Variants in PTPRG observed in about 807,000 individuals in gnomAD.
PTPRG encodes the protein receptor-type tyrosine-protein phosphatase gamma.
Under a neutral mutation model 165.3 loss-of-function variants are expected in PTPRG, and 102 were observed. The observed-to-expected ratio is 0.62, with a 90% confidence interval of 0.53 to 0.73. The LOEUF is 0.73. Among genes scored for constraint, PTPRG ranks in the 30% least tolerant of loss-of-function variants. The probability of loss-of-function intolerance (pLI) is 0.00; values close to 1 mark genes in which losing one functional copy is unlikely to be tolerated. For missense variants in PTPRG, 1,866 were observed against 1,861.4 expected (o/e 1.00, Z -0.05); for synonymous variants, 675 against 669.5 (o/e 1.01, Z -0.13).
intron 1 of PTPRG, among the ~76,000 whole-genome samples, chr3:61,636,866 A>G (rs1701924237): frequency 6.6e-6 from 1 of 152,046 alleles, no homozygotes; most frequent in Admixed American, 6.6e-5. Context: ...ACTTGGTAAA[A>G]TCTCATACTG....
At chr3:61,752,785 C>CAAAAAAAAAAAAAA (rs749817659) in intron 2 of PTPRG, among the ~76,000 whole-genome samples, 12 of 69,982 alleles carry the variant, frequency 1.7e-4, no homozygotes, top group Non-Finnish European at 1.8e-4. Context: ...AAGACTGTCT[C>CAAAAAAAAAAAAAA]AAAAAAAAAA....
At chr3:61,967,675 G>C (rs2040301304) in intron 2 of PTPRG, among the ~76,000 whole-genome samples, 1 of 152,304 alleles carries the variant, frequency 6.6e-6, no homozygotes, top group African/African-American at 2.4e-5. Flanking sequence ...TTTAGTGCAT[G>C]TAACTGCCAC....
intron 5 of PTPRG, among the ~76,000 whole-genome samples, chr3:62,093,997 T>A (rs1272506470): frequency 6.6e-6 from 1 of 152,166 alleles, no homozygotes; most frequent in Admixed American, 6.5e-5. Context: ...ACCAGTAATA[T>A]TAAGGAAGAA....
rs1011719529 is a variant in PTPRG at position 62,202,667 on chromosome 3, C to G, written c.1378-506C>G. Among the ~76,000 whole-genome samples the G allele has an allele frequency of 2.6e-5, 4 of 152,340 alleles. No individual in the cohort carries two copies. The East Asian group carries it at 7.7e-4, about 29-fold the overall frequency. On this transcript the variant is annotated intron_variant, in intron 11 of 29. Coordinates refer to ENST00000474889, the MANE Select transcript of PTPRG (RefSeq NM_002841.4). ...TGCAGACCTGGGCAGGCTGCTTTCCCTCCTTGTCCACCCACTTCCTCACTG... is the reference window on the plus strand; with the variant it reads ...TGCAGACCTGGGCAGGCTGCTTTCCGTCCTTGTCCACCCACTTCCTCACTG...
At chr3:61,983,243 T>C (rs1464975903) in intron 2 of PTPRG, among the ~76,000 whole-genome samples, 1 of 152,106 alleles carries the variant, frequency 6.6e-6, no homozygotes, top group Admixed American at 6.6e-5. Context: ...AGAATTGTAA[T>C]CAGAATCCCA....
chr3:61,850,525 T>C (rs2036936633), intron 2 of PTPRG, among the ~76,000 whole-genome samples: 1 of 152,238 alleles, frequency 6.6e-6, no homozygotes, highest in African/African-American at 2.4e-5. Flanking sequence ...TGTGTGTATA[T>C]GAATTTCATA....
chr3:62,277,635 C>T lies in PTPRG; in HGVS notation c.3721C>T (p.His1241Tyr). Residue 1241 changes from histidine to tyrosine, a missense_variant, in exon 26 of 30, where the codon CAT (histidine) becomes TAT (tyrosine). Around this residue, in one of 3 missense-constraint regions of PTPRG, gnomAD observed 1,452 missense variants for 1,463.0 expected, o/e 0.99. Transcript: ENST00000474889. The stretch of plus-strand genomic sequence containing the variant: ...AGATTTCTGGCGAATGATTTGGGAT[C>T]ATAACGCACAGATCATTGTCATGCT... Reference protein sequence around the residue: ...TKDFWRMIWDHNAQIIVMLPD... With the variant: ...TKDFWRMIWDYNAQIIVMLPD... 6.2e-7 allele frequency: 1 copy of T among 1,612,824 alleles called. No individual in the cohort carries two copies. The highest frequency in any genetic ancestry group is 8.5e-7 in the Non-Finnish European group (1 of 1,179,352).
chr3:61,906,269 A>G (rs1040765320), intron 2 of PTPRG, among the ~76,000 whole-genome samples: 1 of 151,722 alleles, frequency 6.6e-6, no homozygotes, highest in Admixed American at 6.6e-5. Context: ...TCTGGCCAAC[A>G]TAATGAAACC....
intron 2 of PTPRG, among the ~76,000 whole-genome samples, chr3:61,924,241 A>C (rs1575789831): frequency 6.6e-6 from 1 of 152,210 alleles, no homozygotes. Flanking sequence ...TCCTGTGACC[A>C]TGCAGATCCT....
At chr3:61,905,765 T>C (rs908017653) in intron 2 of PTPRG, among the ~76,000 whole-genome samples, 6 of 152,314 alleles carry the variant, frequency 3.9e-5, no homozygotes, top group Admixed American at 3.3e-4. Flanking sequence ...AGAGGTGTTA[T>C]TAGAAAACTT....
chr3:62,086,557 C>T (rs1019994333), intron 5 of PTPRG, among the ~76,000 whole-genome samples: 1 of 152,158 alleles, frequency 6.6e-6, no homozygotes, highest in Non-Finnish European at 1.5e-5. Flanking sequence ...TTTCCAGTTG[C>T]TGCTGTTTGA....
rs753126519 is a variant in PTPRG, at chr3:62,267,437, C to A, written c.2684C>A (p.Pro895His). The change falls in exon 18 of 30, where the codon CCT becomes CAT. Residue 895 changes from proline (P) to histidine (H), a missense_variant. Transcript: ENST00000474889. The part of the protein sequence containing the change: ...AYDHSRVKLR[P>H]LPGKDSKHSD... ...GATCACAGTAGGGTGAAGTTAAGACCTTTACCAGGAAAAGACTCTAAGCAC... is the reference window on the plus strand; with the variant it reads ...GATCACAGTAGGGTGAAGTTAAGACATTTACCAGGAAAAGACTCTAAGCAC... The A allele has an allele frequency of 6.2e-7, 1 of 1,611,202 alleles. No homozygotes were observed. Among genetic ancestry groups the A allele is most frequent in the Non-Finnish European group, 8.5e-7 (1 of 1,177,840 alleles).
At chr3:61,770,800 T>C (rs979408034) in intron 2 of PTPRG, 3 of 152,188 alleles carry the variant, frequency 2.0e-5, no homozygotes, top group Non-Finnish European at 4.4e-5. Flanking sequence ...GTTTTTTAAT[T>C]TGGGGACAGA....
intron 28 of PTPRG, among the ~76,000 whole-genome samples, chr3:62,285,977 AAG>A (rs1215213934): frequency 1.3e-4 from 20 of 152,224 alleles, no homozygotes; most frequent in Non-Finnish European, 2.8e-4. Flanking sequence ...GACAATTAAA[AAG>A]AGTTTTCCAG....
intron 2 of PTPRG, among the ~76,000 whole-genome samples, chr3:61,850,756 G>A (rs1449606232): frequency 2.0e-5 from 3 of 152,064 alleles, no homozygotes; most frequent in African/African-American, 7.2e-5. Context: ...GTACACATAC[G>A]CTGCAGTTTG....
chr3:62,235,787 T>G (rs1392940530), intron 14 of PTPRG, among the ~76,000 whole-genome samples: 3 of 152,210 alleles, frequency 2.0e-5, no homozygotes, highest in African/African-American at 7.2e-5. Flanking sequence ...CGTTTTAGTA[T>G]CTGTTTCCTC....
At chr3:61,717,874 T>TA (rs1485851728) in intron 1 of PTPRG, among the ~76,000 whole-genome samples, 1 of 152,048 alleles carries the variant, frequency 6.6e-6, no homozygotes, top group Non-Finnish European at 1.5e-5. Context: ...CACCCAGACA[T>TA]ATAGCTTTGT....
intron 1 of PTPRG, among the ~76,000 whole-genome samples, chr3:61,598,379 AGT>A (rs1700758347): frequency 2.0e-5 from 3 of 152,206 alleles, no homozygotes; most frequent in East Asian, 1.9e-4. Context: ...CAGCGCAGCT[AGT>A]GTCTGTCCTT....
At chr3:62,289,702 C>CA (rs922247507) in intron 28 of PTPRG, among the ~76,000 whole-genome samples, 1 of 136,370 alleles carries the variant, frequency 7.3e-6, no homozygotes, top group African/African-American at 2.7e-5. Flanking sequence ...TCATGATCCC[C>CA]CCCCCCCAAA....
Sources: allele counts gnomAD v4.1 joint callset (sites outside exome capture counted in the v4.1 genomes callset), GRCh38; gene constraint gnomAD v4.1.1; regional missense constraint gnomAD v4.1.1; transcripts MANE v1.5; gene names NCBI Gene and HGNC (gene_info 2026-07-23, HGNC 2026-07-21).